STPG2: variants seen among roughly 807,000 people sequenced by gnomAD.
The protein encoded by STPG2 is sperm-tail PG-rich repeat-containing protein 2.
Under a neutral mutation model 54.2 loss-of-function variants are expected in STPG2, and 56 were observed. The ratio of observed to expected loss-of-function variants is 1.03; its 90% CI spans 0.83 to 1.29. The LOEUF (loss-of-function observed/expected upper bound fraction) is 1.29, where lower values mean the gene tolerates loss of function less well. Among genes scored for constraint, STPG2 ranks in the 50% most tolerant of loss-of-function variants. The pLI, the probability that STPG2 is intolerant of heterozygous loss-of-function variation, is 0.00. For synonymous variants in STPG2, 200 were observed against 181.8 expected (o/e 1.10, Z -0.81); for missense variants, 596 against 544.9 (o/e 1.09, Z -0.93).
intron 10 of STPG2, among the ~76,000 whole-genome samples, chr4:97,591,604 G>C (rs1203216481): frequency 2.6e-5 from 4 of 152,146 alleles, no homozygotes; most frequent in East Asian, 1.9e-4. Flanking sequence ...TGAAATAAGA[G>C]ATAGAGGGAT....
At chr4:98,055,143 G>C (rs569470820) in intron 5 of STPG2, among the ~76,000 whole-genome samples, 1 of 152,242 alleles carries the variant, frequency 6.6e-6, no homozygotes, top group South Asian at 2.1e-4. Context: ...CTAGATTATA[G>C]CAGAGAAACC....
intron 9 of STPG2, among the ~76,000 whole-genome samples, chr4:97,791,260 A>T (rs566595422): frequency 4.1e-4 from 63 of 152,142 alleles, no homozygotes; most frequent in Non-Finnish European, 8.7e-4. Flanking sequence ...AATTGTTACA[A>T]TCTCTGAAAG....
At chr4:98,110,690 C>T (rs1337564533) in intron 3 of STPG2, among the ~76,000 whole-genome samples, 1 of 152,062 alleles carries the variant, frequency 6.6e-6, no homozygotes, top group East Asian at 1.9e-4. Flanking sequence ...ATTTTTACTC[C>T]CACTCTAAAA....
At chr4:97,442,580 G>T (rs1051751030) in intron 4 of STPG2, among the ~76,000 whole-genome samples, 2 of 152,092 alleles carry the variant, frequency 1.3e-5, no homozygotes, top group Non-Finnish European at 2.9e-5. Context: ...ATAGAATTGG[G>T]TCTTTGTGTC....
chr4:97,519,181 T>C (rs549027954), intron 4 of STPG2, among the ~76,000 whole-genome samples: 2 of 152,014 alleles, frequency 1.3e-5, no homozygotes, highest in Non-Finnish European at 2.9e-5. Flanking sequence ...AAGCTGAGCA[T>C]AGAAGAGATA....
At chr4:97,606,845 T>A (rs1368306891) in intron 10 of STPG2, among the ~76,000 whole-genome samples, 1 of 151,958 alleles carries the variant, frequency 6.6e-6, no homozygotes, top group African/African-American at 2.4e-5. Flanking sequence ...AAATACAATT[T>A]ACAAAGATAG....
At chr4:98,139,675 T>TA (rs1740228779) in intron 1 of STPG2, among the ~76,000 whole-genome samples, 1 of 152,292 alleles carries the variant, frequency 6.6e-6, no homozygotes, top group Non-Finnish European at 1.5e-5. Context: ...TTAGTATTGC[T>TA]AAAACAAAAT....
intron 10 of STPG2, among the ~76,000 whole-genome samples, chr4:97,634,206 T>C (rs535511085): frequency 4.6e-5 from 7 of 152,098 alleles, no homozygotes; most frequent in African/African-American, 1.7e-4. Context: ...GCACCCTAAC[T>C]GGGAGGCACC....
At chr4:97,834,653 T>C (rs1483293643) in intron 9 of STPG2, among the ~76,000 whole-genome samples, 1 of 152,080 alleles carries the variant, frequency 6.6e-6, no homozygotes, top group Admixed American at 6.6e-5. Flanking sequence ...ATGGTACACA[T>C]GTTATTAGAT....
intron 5 of STPG2, among the ~76,000 whole-genome samples, chr4:98,007,028 G>C (rs148978316): frequency 6.6e-6 from 1 of 152,128 alleles, no homozygotes; most frequent in Non-Finnish European, 1.5e-5. Context: ...TGGGGAACTC[G>C]AGTATGGATT....
intron 5 of STPG2, among the ~76,000 whole-genome samples, chr4:98,091,680 G>C (rs1244362682): frequency 7.0e-6 from 1 of 142,648 alleles, no homozygotes. Context: ...GCATATAATA[G>C]GTGTTCAATT....
chr4:98,039,519 T>C (rs1025780804), intron 5 of STPG2, among the ~76,000 whole-genome samples: 3 of 150,864 alleles, frequency 2.0e-5, no homozygotes. Flanking sequence ...ATTTCTTTTG[T>C]GTAAATATGT....
intron 5 of STPG2, among the ~76,000 whole-genome samples, chr4:98,032,844 C>T (rs113129951): frequency 6.6e-6 from 1 of 152,180 alleles, no homozygotes; most frequent in African/African-American, 2.4e-5. Context: ...TGAATGACTA[C>T]TGGGTAAATA....
chr4:97,945,153 TCACC>T (rs1022512618), intron 7 of STPG2, among the ~76,000 whole-genome samples: 4 of 152,096 alleles, frequency 2.6e-5, no homozygotes, highest in Non-Finnish European at 2.9e-5. Flanking sequence ...AGTGCACCCA[TCACC>T]CACGTAGTGT....
At chr4:97,945,584 G>A (rs1017235235) in intron 7 of STPG2, among the ~76,000 whole-genome samples, 6 of 151,990 alleles carry the variant, frequency 3.9e-5, no homozygotes, top group South Asian at 2.1e-4. Context: ...CCAGTAGTGG[G>A]ATTACTAGAT....
intron 5 of STPG2, among the ~76,000 whole-genome samples, chr4:98,074,276 T>G (rs977950210): frequency 6.6e-6 from 1 of 152,236 alleles, no homozygotes; most frequent in Admixed American, 6.5e-5. Flanking sequence ...CTCCCATCAT[T>G]TCAGTTGAAT....
At chr4:97,468,710 C>T (rs1337503153) in intron 4 of STPG2, among the ~76,000 whole-genome samples, 3 of 151,978 alleles carry the variant, frequency 2.0e-5, no homozygotes, top group African/African-American at 7.2e-5. Context: ...CACTATAGAA[C>T]AGCAAATCTA....
intron 10 of STPG2, among the ~76,000 whole-genome samples, chr4:97,567,422 C>A (rs1732481806): frequency 6.7e-6 from 1 of 149,142 alleles, no homozygotes; most frequent in Non-Finnish European, 1.5e-5. Context: ...TCTAACAATA[C>A]TATATATATA....
At chr4:97,909,221 C>T (rs193111807) in intron 8 of STPG2, among the ~76,000 whole-genome samples, 8 of 151,634 alleles carry the variant, frequency 5.3e-5, no homozygotes, top group Admixed American at 2.0e-4. Flanking sequence ...AATAAAAGCA[C>T]ATTATGAACA....
Sources: allele counts gnomAD v4.1 joint callset (sites outside exome capture counted in the v4.1 genomes callset), GRCh38; gene constraint gnomAD v4.1.1; transcripts MANE v1.5; gene names NCBI Gene and HGNC (gene_info 2026-07-23, HGNC 2026-07-21).